The following TMEM132B variants were observed in gnomAD, a reference collection of about 807,000 sequenced individuals.
The protein encoded by TMEM132B is transmembrane protein 132B.
Under a neutral mutation model 90.8 loss-of-function variants are expected in TMEM132B, and 18 were observed. That is an observed-to-expected ratio of 0.20 (90% CI 0.14 to 0.29). TMEM132B has a LOEUF of 0.29. Among genes scored for constraint, TMEM132B ranks in the 10% least tolerant of loss-of-function variants. The probability of loss-of-function intolerance (pLI) is 1.00; values close to 1 mark genes in which losing one functional copy is unlikely to be tolerated. For missense variants in TMEM132B, 1,096 were observed against 1,326.8 expected (o/e 0.83, Z 2.70); for synonymous variants, 504 against 523.3 (o/e 0.96, Z 0.50).
At chr12:125,385,066 A>T (rs1878790075) in intron 2 of TMEM132B, among the ~76,000 whole-genome samples, 1 of 152,208 alleles carries the variant, frequency 6.6e-6, no homozygotes, top group Non-Finnish European at 1.5e-5. Flanking sequence ...ACAATTCCAC[A>T]TAAAAGTGAG....
intron 2 of TMEM132B, among the ~76,000 whole-genome samples, chr12:125,397,187 G>T (rs1009964998): frequency 5.9e-5 from 9 of 152,002 alleles, no homozygotes; most frequent in Non-Finnish European, 1.2e-4. Flanking sequence ...TGGCCAGGAT[G>T]GTCTCCATCT....
rs202078846 is a variant in TMEM132B, at chr12:125,480,725, T to C, written c.1107-38714T>C. On this transcript the variant is annotated intron_variant, in intron 3 of 8. Transcript: ENST00000682704. ...TTCCTTCTGAAACTATTCCAATCAA[T>C]AGAAAAAGAGGGAATCCTCCCTAAC... Among the ~76,000 whole-genome samples, 5 of 152,122 alleles carry C rather than the reference T, an allele frequency of 3.3e-5. No individual in the cohort carries two copies. The East Asian group carries it at 7.7e-4, about 24-fold the overall frequency.
At chr12:125,382,132 C>T (rs1338345620) in intron 2 of TMEM132B, among the ~76,000 whole-genome samples, 1 of 152,202 alleles carries the variant, frequency 6.6e-6, no homozygotes, top group Non-Finnish European at 1.5e-5. Context: ...CTCTAACTTA[C>T]ATTCTTCCTT....
chr12:125,494,277 C>G (rs1397353294), intron 3 of TMEM132B, among the ~76,000 whole-genome samples: 3 of 112,494 alleles, frequency 2.7e-5, no homozygotes, highest in Admixed American at 9.2e-5. Flanking sequence ...GAAATGGCTG[C>G]ATCCCTCCTC....
At chr12:125,405,496 A>G (rs1302876063) in intron 2 of TMEM132B, among the ~76,000 whole-genome samples, 1 of 152,160 alleles carries the variant, frequency 6.6e-6, no homozygotes, top group East Asian at 1.9e-4. Context: ...CCCCTTATAG[A>G]CACTTATTTT....
At position 125,614,195 on chromosome 12, in the gene TMEM132B, C is replaced by T. The variant is rs148180116; in HGVS notation, c.1438-29881C>T. Reference sequence around the variant, plus strand: ...TTTTACATGGGAATATTTCATGGTGCTGAGACATGGAGTGTGGATCCTGTC... The same window carrying T: ...TTTTACATGGGAATATTTCATGGTGTTGAGACATGGAGTGTGGATCCTGTC... On this transcript the variant is annotated intron_variant, in intron 5 of 8. Transcript: ENST00000682704. 4.0e-3 allele frequency among the ~76,000 whole-genome samples: 616 copies of T among 152,134 alleles called. 3 individuals carry two copies. Among genetic ancestry groups the T allele is most frequent in the African/African-American group, 0.012 (507 of 41,498 alleles).
At chr12:125,207,749 T>G (rs1873215973) in intron 1 of TMEM132B, among the ~76,000 whole-genome samples, 1 of 152,196 alleles carries the variant, frequency 6.6e-6, no homozygotes, top group South Asian at 2.1e-4. Context: ...TTCTCCCTTC[T>G]CCATTTCCCC....
intron 1 of TMEM132B, among the ~76,000 whole-genome samples, chr12:125,206,221 G>A (rs1439778424): frequency 6.6e-6 from 1 of 152,010 alleles, no homozygotes; most frequent in East Asian, 1.9e-4. Flanking sequence ...GTGGCTTGGG[G>A]GCCTATGATT....
chr12:125,571,856 G>T (rs1472978900), intron 4 of TMEM132B, among the ~76,000 whole-genome samples: 1 of 152,196 alleles, frequency 6.6e-6, no homozygotes, highest in African/African-American at 2.4e-5. Flanking sequence ...GAATGTCAAT[G>T]CAAAGTGTTA....
intron 3 of TMEM132B, among the ~76,000 whole-genome samples, chr12:125,427,072 A>G (rs1880338764): frequency 6.6e-6 from 1 of 152,238 alleles, no homozygotes; most frequent in South Asian, 2.1e-4. Flanking sequence ...TGTAATATTA[A>G]CACTATATTA....
At chr12:125,616,991 A>T (rs1042730845) in intron 5 of TMEM132B, among the ~76,000 whole-genome samples, 1 of 152,232 alleles carries the variant, frequency 6.6e-6, no homozygotes, top group Non-Finnish European at 1.5e-5. Flanking sequence ...TAGCATCTTT[A>T]TCGTAGACTT....
chr12:125,425,659 G>T (rs114102118), intron 3 of TMEM132B, among the ~76,000 whole-genome samples: 1,651 of 152,188 alleles, frequency 0.011, 27 homozygotes, highest in African/African-American at 0.037. Context: ...TGTCCCCATA[G>T]TTTTGCCTTT....
intron 1 of TMEM132B, among the ~76,000 whole-genome samples, chr12:125,212,522 G>T (rs1873344388): frequency 6.6e-6 from 1 of 151,916 alleles, no homozygotes; most frequent in African/African-American, 2.4e-5. Flanking sequence ...GTGAAACCCT[G>T]TCTCTACTAA....
Position 125,251,184 on chromosome 12 carries a change from C to A in TMEM132B, c.67+64318C>A, listed in dbSNP as rs998017743. The stretch of plus-strand genomic sequence containing the variant: ...GCCTGAGAGATTAAGGATTTAATGG[C>A]ATGGAGAAGGGATTTGCTTCTCCAT... On this transcript the variant is annotated intron_variant, in intron 1 of 8. Coordinates refer to ENST00000682704, the MANE Select transcript of TMEM132B (RefSeq NM_001366854.1). The surrounding 1 kb of genome is among the most constrained non-coding windows in gnomAD (Gnocchi z 4.4). Among the ~76,000 whole-genome samples, 1 of 152,148 alleles carries A rather than the reference C, an allele frequency of 6.6e-6. No homozygotes were observed. Among genetic ancestry groups the A allele is most frequent in the African/African-American group, 2.4e-5 (1 of 41,410 alleles).
chr12:125,413,976 A>G (rs1879934597), intron 2 of TMEM132B, among the ~76,000 whole-genome samples: 1 of 152,148 alleles, frequency 6.6e-6, no homozygotes, highest in African/African-American at 2.4e-5. Flanking sequence ...TGAGGGTTCC[A>G]ATTTCTCTAC....
At chr12:125,420,354 C>T (rs966626761) in intron 3 of TMEM132B, among the ~76,000 whole-genome samples, 1 of 152,250 alleles carries the variant, frequency 6.6e-6, no homozygotes, top group African/African-American at 2.4e-5. Flanking sequence ...GACCTCAATT[C>T]TTAACTTCTG....
At chr12:125,360,681 C>G (rs1593104136) in intron 2 of TMEM132B, among the ~76,000 whole-genome samples, 1 of 151,992 alleles carries the variant, frequency 6.6e-6, no homozygotes, top group African/African-American at 2.4e-5. Context: ...AGGTTAAGGT[C>G]ATTAGTGCAG....
intron 3 of TMEM132B, among the ~76,000 whole-genome samples, chr12:125,506,177 T>G (rs1205917691): frequency 6.6e-6 from 1 of 152,254 alleles, no homozygotes; most frequent in African/African-American, 2.4e-5. Context: ...AACAGAATCC[T>G]ACCCAGTTAT....
chr12:125,236,539 G>A (rs924924082), intron 1 of TMEM132B, among the ~76,000 whole-genome samples: 5 of 152,176 alleles, frequency 3.3e-5, no homozygotes, highest in South Asian at 2.1e-4. Flanking sequence ...TCTGCCATCC[G>A]TTAATGGACA....
Sources: gnomAD v4.1 joint callset for allele counts (sites outside exome capture counted in the v4.1 genomes callset) on GRCh38, gnomAD v4.1.1 for gene constraint, Gnocchi (gnomAD v3.1) non-coding constraint, MANE v1.5 for transcripts, NCBI Gene and HGNC (gene_info 2026-07-23, HGNC 2026-07-21) for gene names.